The following ATP1B1 variants were observed in gnomAD, a reference collection of about 807,000 sequenced individuals.
ATP1B1 encodes sodium/potassium-transporting ATPase subunit beta-1.
Under a neutral mutation model 39.6 loss-of-function variants are expected in ATP1B1, and 3 were observed. The ratio of observed to expected loss-of-function variants is 0.08; its 90% CI spans 0.03 to 0.20. ATP1B1 has a LOEUF of 0.20. ATP1B1 is among the 10% of genes least tolerant of loss of function. The pLI is 1.00. For missense variants in ATP1B1, 216 were observed against 371.1 expected (o/e 0.58, Z 3.43); for synonymous variants, 139 against 135.0 (o/e 1.03, Z -0.20).
intron 2 of ATP1B1, among the ~76,000 whole-genome samples, chr1:169,114,495 T>TG (rs1400373088): frequency 6.6e-6 from 1 of 152,194 alleles, no homozygotes; most frequent in Non-Finnish European, 1.5e-5. Flanking sequence ...ACCTTGTAGT[T>TG]GGATCTCTTC....
intron 2 of ATP1B1, among the ~76,000 whole-genome samples, chr1:169,119,807 A>C (rs1223259007): frequency 7.7e-6 from 1 of 129,114 alleles, no homozygotes; most frequent in African/African-American, 3.4e-5. Flanking sequence ...CATAAGGCAA[A>C]CATTGTAAGT....
chr1:169,119,395 A>G (rs1657924120), intron 2 of ATP1B1, among the ~76,000 whole-genome samples: 1 of 152,198 alleles, frequency 6.6e-6, no homozygotes, highest in African/African-American at 2.4e-5. Flanking sequence ...GGAGAGGGAA[A>G]AGGTTAGATT....
intron 1 of ATP1B1, among the ~76,000 whole-genome samples, chr1:169,107,442 T>C (rs1288398849): frequency 6.6e-6 from 1 of 152,146 alleles, no homozygotes; most frequent in East Asian, 1.9e-4. Flanking sequence ...ATCCACACTG[T>C]AGTATTTCAC....
chr1:169,125,745 G>C (rs1658072224), intron 3 of ATP1B1, among the ~76,000 whole-genome samples: 1 of 152,150 alleles, frequency 6.6e-6, no homozygotes, highest in Non-Finnish European at 1.5e-5. Context: ...AGGCTGAGGA[G>C]GGAGGATTGC....
chr1:169,129,520 G>A (rs1242441865), intron 4 of ATP1B1, among the ~76,000 whole-genome samples: 3 of 152,112 alleles, frequency 2.0e-5, no homozygotes, highest in Admixed American at 1.3e-4. Flanking sequence ...CAGTCTCCCC[G>A]ACTGGAGATT....
intron 2 of ATP1B1, among the ~76,000 whole-genome samples, chr1:169,120,837 G>T (rs1290698177): frequency 1.3e-5 from 2 of 152,180 alleles, no homozygotes; most frequent in African/African-American, 4.8e-5. Flanking sequence ...GAGGCCAATT[G>T]TGTATATAAC....
At chr1:169,110,478 T>G in intron 1 of ATP1B1, 1 of 206,726 alleles carries the variant, frequency 4.8e-6, no homozygotes, top group Non-Finnish European at 8.5e-6. Context: ...CAATGCCTAG[T>G]ACAGCCTGTT....
intron 2 of ATP1B1, among the ~76,000 whole-genome samples, chr1:169,116,616 C>T (rs779632208): frequency 2.0e-4 from 30 of 151,942 alleles, no homozygotes; most frequent in Non-Finnish European, 2.6e-4. Flanking sequence ...TTTGGGAGGC[C>T]GAGGCAGGCA....
chr1:169,111,451 C>T lies in ATP1B1; in HGVS notation c.179C>T (p.Thr60Ile). The T allele has an allele frequency of 1.2e-6, 2 of 1,614,206 alleles. No homozygotes were observed. The highest frequency in any genetic ancestry group is 1.7e-6 in the Non-Finnish European group (2 of 1,180,032). The part of the protein sequence containing the change: ...FIGTIQVMLL[T>I]ISEFKPTYQD... Reference sequence around the variant, plus strand: ...GGAACCATCCAAGTGATGCTGCTCACCATCAGTGAATTTAAGCCCACATAT... The same window carrying T: ...GGAACCATCCAAGTGATGCTGCTCATCATCAGTGAATTTAAGCCCACATAT... Residue 60 changes from threonine (T) to isoleucine (I), a missense_variant, in exon 2 of 6, where the codon ACC (threonine) becomes ATC (isoleucine). Physicochemically the swap from Thr to Ile is moderately conservative, Grantham distance 89. Transcript: ENST00000367815.
At chr1:169,122,055 A>G (rs534675564) in intron 2 of ATP1B1, among the ~76,000 whole-genome samples, 2 of 152,266 alleles carry the variant, frequency 1.3e-5, no homozygotes, top group East Asian at 1.9e-4. Context: ...CCTTGTGTAC[A>G]TAAGTCCATT....
intron 3 of ATP1B1, among the ~76,000 whole-genome samples, chr1:169,126,385 T>C (rs1257950000): frequency 6.6e-6 from 1 of 152,244 alleles, no homozygotes; most frequent in Non-Finnish European, 1.5e-5. Context: ...TACATTAACT[T>C]TGAATTCTAT....
At position 169,131,632 on chromosome 1, in the gene ATP1B1, A is replaced by G. The variant is rs1557954113; in HGVS notation, c.*77A>G. The G allele has an allele frequency of 4.7e-6, 7 of 1,500,972 alleles. No homozygotes were observed. The highest frequency in any genetic ancestry group is 2.7e-6 in the Non-Finnish European group (3 of 1,115,850). The allele number at this position is 1,500,972 out of a possible 1,614,324, so 93.0% of individuals were successfully genotyped here. A position where few individuals can be genotyped will look rare whatever the true frequency, so the allele number is the denominator to read the frequency against. On this transcript the variant is annotated 3_prime_UTR_variant, in exon 6 of 6. Coordinates refer to ENST00000367815, the MANE Select transcript of ATP1B1 (RefSeq NM_001677.4). This position sits in a 1 kb window ranked among gnomAD's most constrained non-coding sequence, Gnocchi z 4.4. ...CAAAAACAAAAACCTACTAGTCTTGAACAAACTGTCATACGTATGGGACCT... is the reference window on the plus strand; with the variant it reads ...CAAAAACAAAAACCTACTAGTCTTGGACAAACTGTCATACGTATGGGACCT...
chr1:169,132,646 G>T lies in ATP1B1; in HGVS notation c.*1091G>T. 1 of 707,678 alleles carries T rather than the reference G, an allele frequency of 1.4e-6. No individual in the cohort carries two copies. Among genetic ancestry groups the T allele is most frequent in the Non-Finnish European group, 2.3e-6 (1 of 429,052 alleles). The allele number at this position is 707,678 out of a possible 1,614,324, so 43.8% of individuals were successfully genotyped here. A position where few individuals can be genotyped will look rare whatever the true frequency, so the allele number is the denominator to read the frequency against. On this transcript the variant is annotated 3_prime_UTR_variant, in exon 6 of 6. Coordinates refer to ENST00000367815, the MANE Select transcript of ATP1B1 (RefSeq NM_001677.4). ...CCATGTTCTAACATATGTAATAATT[G>T]CCAGGAGTACAGTGCTCTTGTTGAT...
At chr1:169,118,682 T>TAC (rs1557949386) in intron 2 of ATP1B1, among the ~76,000 whole-genome samples, 6 of 152,006 alleles carry the variant, frequency 3.9e-5, no homozygotes, top group African/African-American at 1.5e-4. Flanking sequence ...TGTGTACATA[T>TAC]ACGTGTGAGT....
intron 2 of ATP1B1, among the ~76,000 whole-genome samples, chr1:169,112,460 C>T (rs1657748413): frequency 6.6e-6 from 1 of 152,244 alleles, no homozygotes; most frequent in African/African-American, 2.4e-5. Flanking sequence ...GAAGCTGCTG[C>T]TGAGGGATGG....
intron 2 of ATP1B1, among the ~76,000 whole-genome samples, chr1:169,120,868 C>T (rs1283279032): frequency 1.3e-5 from 2 of 152,110 alleles, no homozygotes; most frequent in African/African-American, 2.4e-5. Context: ...GCCAGTAGTA[C>T]CACTTCATGT....
intron 3 of ATP1B1, among the ~76,000 whole-genome samples, chr1:169,126,968 T>C (rs1421873204): frequency 6.6e-6 from 1 of 152,216 alleles, no homozygotes; most frequent in African/African-American, 2.4e-5. Context: ...AGACTAAATA[T>C]TACGTGCTGA....
In ATP1B1 at chr1:169,120,051, A is replaced by G. The variant is rs1162322462; in HGVS notation, c.227-4833A>G. Among the ~76,000 whole-genome samples the G allele has an allele frequency of 3.3e-5, 5 of 152,236 alleles. No individual in the cohort carries two copies. In the East Asian group the frequency reaches 9.6e-4, roughly 29 times the overall value. ...TGTCCTAATTAAGACTATCCAGAACAGAACAGACCCGGGGGCTGATCTGTG... is the reference window on the plus strand; with the variant it reads ...TGTCCTAATTAAGACTATCCAGAACGGAACAGACCCGGGGGCTGATCTGTG... On this transcript the variant is annotated intron_variant, in intron 2 of 5. Coordinates refer to ENST00000367815, the MANE Select transcript of ATP1B1 (RefSeq NM_001677.4).
In ATP1B1 at chr1:169,121,257, A is replaced by G. The variant is rs73033759; in HGVS notation, c.227-3627A>G. On this transcript the variant is annotated intron_variant, in intron 2 of 5. Coordinates refer to ENST00000367815, the MANE Select transcript of ATP1B1 (RefSeq NM_001677.4). ...CCACCATTCCCGGCCATATTCCTAG[A>G]TGATTAACAACAGAGGCACTTACAA... is the stretch of plus-strand genomic sequence containing the variant. Among the ~76,000 whole-genome samples, 848 of 152,218 alleles carry G rather than the reference A, an allele frequency of 5.6e-3. 6 individuals are homozygous for G. The highest frequency in any genetic ancestry group is 0.019 in the African/African-American group (796 of 41,558).
Sources: gnomAD v4.1 joint callset for allele counts (sites outside exome capture counted in the v4.1 genomes callset) on GRCh38, gnomAD v4.1.1 for gene constraint, Gnocchi (gnomAD v3.1) non-coding constraint, MANE v1.5 for transcripts, NCBI Gene and HGNC (gene_info 2026-07-23, HGNC 2026-07-21) for gene names.